Variants in NFIB observed in about 807,000 individuals in gnomAD.
NFIB encodes nuclear factor 1 B-type.
A neutral mutation model predicts 61.5 loss-of-function variants in NFIB; 11 were observed. The observed-to-expected ratio is 0.18, with a 90% CI of 0.11 to 0.30. NFIB has a LOEUF of 0.30. Among genes scored for constraint, NFIB ranks in the 10% least tolerant of loss-of-function variants. NFIB has a pLI of 1.00. For synonymous variants in NFIB, 260 were observed against 216.5 expected, an observed-to-expected ratio of 1.20 and a Z score of -1.76; for missense variants, 471 against 608.9, an observed-to-expected ratio of 0.77 and a Z score of 2.38.
At chr9:14,212,225 T>C (rs1053839474) in intron 2 of NFIB, among the ~76,000 whole-genome samples, 2 of 152,238 alleles carry the variant, frequency 1.3e-5, no homozygotes, top group Non-Finnish European at 2.9e-5. Context: ...AGAATACTTA[T>C]TTCCAATTGA....
chr9:14,102,518 T>C, intron 10 of NFIB: 5 of 1,550,142 alleles, frequency 3.2e-6, no homozygotes, highest in South Asian at 2.4e-5. Flanking sequence ...CAGCTGTCAA[T>C]TGAAACCTAG....
At chr9:14,303,253 C>CA (rs767268971) in intron 2 of NFIB, among the ~76,000 whole-genome samples, 12 of 152,184 alleles carry the variant, frequency 7.9e-5, no homozygotes, top group Non-Finnish European at 1.6e-4. Context: ...AACAGTCAGT[C>CA]ATAATGAATG....
chr9:14,137,177 G>C (rs911555821), intron 6 of NFIB, among the ~76,000 whole-genome samples: 5 of 152,146 alleles, frequency 3.3e-5, no homozygotes, highest in African/African-American at 1.2e-4. Flanking sequence ...GTTGCTGTCT[G>C]GCTGAGTCAT....
At chr9:14,455,950 C>A in the NFIB span, among the ~76,000 whole-genome samples, 2 of 152,008 alleles carry the variant, frequency 1.3e-5, no homozygotes, top group East Asian at 1.9e-4. Flanking sequence ...CAAGTTCATT[C>A]GGAAAATTAG....
intron 1 of NFIB, among the ~76,000 whole-genome samples, chr9:14,380,118 G>T (rs564094758): frequency 6.6e-6 from 1 of 152,166 alleles, no homozygotes; most frequent in East Asian, 1.9e-4. Flanking sequence ...TAAAATAATG[G>T]ACTCAATCCA....
intron 6 of NFIB, 76 bp from the exon 7 acceptor site, chr9:14,125,842 C>T: frequency 1.3e-6 from 2 of 1,547,974 alleles, no homozygotes; most frequent in Non-Finnish European, 1.7e-6. Context: ...AATGACAGAT[C>T]TCATCTTGCA....
intron 1 of NFIB, among the ~76,000 whole-genome samples, chr9:14,347,876 G>A (rs1003894665): frequency 9.2e-5 from 14 of 152,156 alleles, no homozygotes; most frequent in African/African-American, 2.9e-4. Context: ...CCGCCGCCCA[G>A]CAAGGGCCGA....
At chr9:14,140,074 T>C (rs1189963449) in intron 6 of NFIB, among the ~76,000 whole-genome samples, 2 of 152,218 alleles carry the variant, frequency 1.3e-5, no homozygotes, top group Non-Finnish European at 2.9e-5. Flanking sequence ...TAGCTCTCTT[T>C]TTTTCTGGTT....
intron 1 of NFIB, among the ~76,000 whole-genome samples, chr9:14,395,281 G>A (rs2061670907): frequency 2.2e-5 from 3 of 138,682 alleles, no homozygotes; most frequent in African/African-American, 5.4e-5. Flanking sequence ...AGTCTAGTCA[G>A]ATATTCATTA....
At chr9:14,273,214 C>G (rs748455620) in intron 2 of NFIB, among the ~76,000 whole-genome samples, 16 of 152,042 alleles carry the variant, frequency 1.1e-4, no homozygotes, top group Non-Finnish European at 2.2e-4. Context: ...CGTCTCTTTC[C>G]CCCTCATCAA....
chr9:14,313,644 A>G lies in NFIB; in HGVS notation c.-133T>C. Reference sequence around the variant, plus strand: ...TCAGGACGGGGCTCTGCGCTGGATCACCGCAACTTCACAACAAACCCAGTC... The same window carrying G: ...TCAGGACGGGGCTCTGCGCTGGATCGCCGCAACTTCACAACAAACCCAGTC... On this transcript the variant is annotated 5_prime_UTR_variant, in exon 1 of 11. Transcript: ENST00000380953. The surrounding 1 kb of genome is among the most constrained non-coding windows in gnomAD (Gnocchi z 4.5). The G allele has an allele frequency of 6.5e-7, 1 of 1,545,226 alleles. No individual in the cohort carries two copies. The highest frequency in any genetic ancestry group is 2.4e-5 in the East Asian group (1 of 42,392).
chr9:14,163,515 A>C (rs1324684643), intron 3 of NFIB, among the ~76,000 whole-genome samples: 21 of 151,938 alleles, frequency 1.4e-4, no homozygotes, highest in Non-Finnish European at 2.9e-5. Context: ...GTTAAGAGAA[A>C]ACTTAAGCTG....
chr9:14,362,060 T>C (rs886166630), intron 1 of NFIB: 3 of 152,248 alleles, frequency 2.0e-5, no homozygotes, highest in African/African-American at 7.2e-5. Context: ...CTAGGGCCTC[T>C]CTACATTAAT....
the NFIB span, among the ~76,000 whole-genome samples, chr9:14,442,420 A>G: frequency 6.6e-6 from 1 of 152,212 alleles, no homozygotes; most frequent in African/African-American, 2.4e-5. Flanking sequence ...CAAAATGTCC[A>G]GTAAAACACG....
chr9:14,349,221 G>A (rs1440555241), intron 1 of NFIB, among the ~76,000 whole-genome samples: 2 of 152,238 alleles, frequency 1.3e-5, no homozygotes, highest in Non-Finnish European at 2.9e-5. Context: ...GGAAGCTAGC[G>A]GGGTGGGGGT....
At position 14,259,746 on chromosome 9, in the gene NFIB, CA is replaced by C. The variant is rs111280008; in HGVS notation, c.562+47242del. Among the ~76,000 whole-genome samples the C allele has an allele frequency of 4.0e-5, 6 of 150,914 alleles. No homozygotes were observed. The Middle Eastern group carries it at 0.014, about 345-fold the overall frequency. On this transcript the variant is annotated intron_variant, in intron 2 of 10. Transcript: ENST00000380953. Reference sequence around the variant, plus strand: ...TGAAATCCTGTCTCTACTAAAAATACAAAAAAAAATTAGCCGGGCGTGGTGG... The same window carrying C: ...TGAAATCCTGTCTCTACTAAAAATACAAAAAAAATTAGCCGGGCGTGGTGG...
rs553569153 is a variant in NFIB at position 14,286,172 on chromosome 9, C to T, written c.562+20817G>A. 3.9e-5 allele frequency among the ~76,000 whole-genome samples: 6 copies of T among 152,252 alleles called. No individual in the cohort carries two copies. In the South Asian group the frequency reaches 1.2e-3, roughly 32 times the overall value. ...TACCCCAATGCCACATTCTATTATT[C>T]TTTAATTTGTTCCATTAAGTGCAAT... On this transcript the variant is annotated intron_variant, in intron 2 of 10. Transcript: ENST00000380953.
the NFIB span, among the ~76,000 whole-genome samples, chr9:14,526,837 T>C: frequency 6.6e-5 from 10 of 152,164 alleles, no homozygotes; most frequent in African/African-American, 1.7e-4. Context: ...ATAGAAGAGA[T>C]AACTCTCCTT....
chr9:14,456,933 C>G, the NFIB span, among the ~76,000 whole-genome samples: 59,278 of 152,060 alleles, frequency 0.39, 12,364 homozygotes, highest in Admixed American at 0.51. Context: ...TAAAACAACT[C>G]GAATGCCCAG....
Sources: gnomAD v4.1 joint callset for allele counts (sites outside exome capture counted in the v4.1 genomes callset) on GRCh38, gnomAD v4.1.1 for gene constraint, Gnocchi (gnomAD v3.1) non-coding constraint, MANE v1.5 for transcripts, NCBI Gene and HGNC (gene_info 2026-07-23, HGNC 2026-07-21) for gene names.